LNPK: variants seen among roughly 807,000 people sequenced by gnomAD.
LNPK encodes endoplasmic reticulum junction formation protein lunapark.
LNPK carries 29 observed loss-of-function variants against 55.2 expected under a neutral mutation model. That is an observed-to-expected ratio of 0.53 (90% CI 0.39 to 0.72). LNPK has a LOEUF of 0.72. Among genes scored for constraint, LNPK ranks in the 30% least tolerant of loss-of-function variants. The pLI is 0.00. For missense variants in LNPK, 467 were observed against 494.8 expected (o/e 0.94, Z 0.53); for synonymous variants, 162 against 168.2 (o/e 0.96, Z 0.29).
upstream of LNPK, chr2:176,002,393 C>T: frequency 2.8e-6 from 1 of 353,878 alleles, no homozygotes; most frequent in South Asian, 2.1e-5. Flanking sequence ...TGGGGCGGGT[C>T]GGCCGGGAGG....
At chr2:175,955,393 G>A (rs1685641815) in intron 8 of LNPK, among the ~76,000 whole-genome samples, 1 of 152,160 alleles carries the variant, frequency 6.6e-6, no homozygotes, top group African/African-American at 2.4e-5. Flanking sequence ...CTTGATAGTA[G>A]ATCCTCTAGC....
intron 8 of LNPK, among the ~76,000 whole-genome samples, chr2:175,955,901 A>T (rs541075145): frequency 6.6e-6 from 1 of 152,310 alleles, no homozygotes; most frequent in East Asian, 1.9e-4. Flanking sequence ...GTTACATTTC[A>T]TTAGTAAAGG....
chr2:175,949,026 T>G (rs1415692843), intron 8 of LNPK, among the ~76,000 whole-genome samples: 1 of 152,202 alleles, frequency 6.6e-6, no homozygotes, highest in Non-Finnish European at 1.5e-5. Context: ...AGCTCACATT[T>G]AATGAATACT....
intron 4 of LNPK, among the ~76,000 whole-genome samples, chr2:175,991,858 G>A (rs1687716223): frequency 6.6e-6 from 1 of 152,134 alleles, no homozygotes; most frequent in Non-Finnish European, 1.5e-5. Flanking sequence ...AGAGAGTTGA[G>A]GTGAATATAT....
At chr2:175,936,937 G>A (rs1309377412) in intron 12 of LNPK, among the ~76,000 whole-genome samples, 1 of 152,112 alleles carries the variant, frequency 6.6e-6, no homozygotes, top group African/African-American at 2.4e-5. Context: ...ACCAATTTGT[G>A]TGGTAGATAC....
intron 9 of LNPK, among the ~76,000 whole-genome samples, chr2:175,942,912 C>A (rs1276578982): frequency 6.7e-6 from 1 of 149,612 alleles, no homozygotes; most frequent in African/African-American, 2.4e-5. Flanking sequence ...TAACCTCTAG[C>A]CAGACTAATC....
At chr2:175,993,435 A>C (rs12475053) in intron 2 of LNPK, among the ~76,000 whole-genome samples, 21,275 of 152,248 alleles carry the variant, frequency 0.14, 1,763 homozygotes, top group Middle Eastern at 0.23. Flanking sequence ...TTCCCTACTT[A>C]ACTGTTTTAA....
chr2:175,995,700 T>C, intron 1 of LNPK, 54 bp from the exon 2 acceptor site: 1 of 775,010 alleles, frequency 1.3e-6, no homozygotes, highest in Non-Finnish European at 2.2e-6. Flanking sequence ...GCATACCCAC[T>C]ATAGATGTTG....
At chr2:175,972,297 T>C (rs1686699030) in intron 5 of LNPK, among the ~76,000 whole-genome samples, 1 of 152,182 alleles carries the variant, frequency 6.6e-6, no homozygotes, top group Non-Finnish European at 1.5e-5. Flanking sequence ...TTATCTGAAA[T>C]GCTTGGTGCT....
chr2:175,962,277 G>T (rs1686076940), intron 8 of LNPK, among the ~76,000 whole-genome samples: 1 of 152,152 alleles, frequency 6.6e-6, no homozygotes, highest in African/African-American at 2.4e-5. Context: ...CAAAGCTGGA[G>T]GCATCACACT....
chr2:175,963,372 G>A (rs1297200015), intron 8 of LNPK, among the ~76,000 whole-genome samples: 1 of 152,084 alleles, frequency 6.6e-6, no homozygotes. Flanking sequence ...ATACTATGCA[G>A]CCATAAAAAA....
chr2:175,966,904 A>G (rs1160683782), intron 6 of LNPK, among the ~76,000 whole-genome samples: 1 of 152,204 alleles, frequency 6.6e-6, no homozygotes, highest in Non-Finnish European at 1.5e-5. Context: ...AATGTAGGAG[A>G]AAGAGTCCAC....
chr2:175,951,723 T>A (rs990272679), intron 8 of LNPK, among the ~76,000 whole-genome samples: 2 of 151,666 alleles, frequency 1.3e-5, no homozygotes, highest in South Asian at 4.2e-4. Context: ...TTTCGTATAA[T>A]GACTTATTTT....
intron 12 of LNPK, chr2:175,935,732 G>A: frequency 1.0e-6 from 1 of 973,306 alleles, no homozygotes; most frequent in Non-Finnish European, 1.2e-6. Context: ...GTTTGAGCCA[G>A]TAAGACTTCT....
chr2:175,938,043 G>C (rs1196727998), intron 11 of LNPK, among the ~76,000 whole-genome samples: 2 of 152,148 alleles, frequency 1.3e-5, no homozygotes, highest in East Asian at 3.9e-4. Context: ...CTTTGTAAAT[G>C]GGTCCTGGGT....
chr2:175,949,098 C>G (rs575366015), intron 8 of LNPK, among the ~76,000 whole-genome samples: 1 of 152,192 alleles, frequency 6.6e-6, no homozygotes, highest in Admixed American at 6.5e-5. Context: ...GCTAAAATTA[C>G]TGGGATCAAC....
chr2:175,952,345 G>GA (rs538220588), intron 8 of LNPK, among the ~76,000 whole-genome samples: 13 of 151,588 alleles, frequency 8.6e-5, no homozygotes, highest in African/African-American at 1.2e-4. Context: ...TTGTAATTGT[G>GA]AAAAAAATTA....
At chr2:175,958,822 G>C (rs1685839986) in intron 8 of LNPK, among the ~76,000 whole-genome samples, 2 of 152,024 alleles carry the variant, frequency 1.3e-5, no homozygotes. Context: ...TATAAACCTT[G>C]AAAAAAGATT....
chr2:175,939,822 TAAA>T (rs1684732699), intron 9 of LNPK, 165 bp from the exon 10 acceptor site: 1 of 510,646 alleles, frequency 2.0e-6, no homozygotes, highest in African/African-American at 1.9e-5. Flanking sequence ...AAATTTTCAT[TAAA>T]AATACTGTAC....
Sources: allele counts gnomAD v4.1 joint callset (sites outside exome capture counted in the v4.1 genomes callset), GRCh38; gene constraint gnomAD v4.1.1; transcripts MANE v1.5; gene names NCBI Gene and HGNC (gene_info 2026-07-23, HGNC 2026-07-21).